DCDC1: variants seen among roughly 807,000 people sequenced by gnomAD.
DCDC1 encodes doublecortin domain-containing protein 1.
In DCDC1, 200 loss-of-function variants were observed where a neutral mutation model predicts 178.3. That is an observed-to-expected ratio of 1.12 (90% confidence interval 1.00 to 1.26). The LOEUF (loss-of-function observed/expected upper bound fraction) is 1.26. Among genes scored for constraint, DCDC1 ranks in the 50% most tolerant of loss-of-function variants. DCDC1 has a pLI of 0.00. For missense variants in DCDC1, 1,983 were observed against 1,749.2 expected (o/e 1.13, Z -2.38); for synonymous variants, 690 against 604.8 (o/e 1.14, Z -2.07).
intron 36 of DCDC1, among the ~76,000 whole-genome samples, chr11:30,892,099 T>A (rs1943836333): frequency 6.6e-6 from 1 of 152,226 alleles, no homozygotes; most frequent in Non-Finnish European, 1.5e-5. Flanking sequence ...ATTTAAGACA[T>A]CATTGCAACA....
intron 21 of DCDC1, among the ~76,000 whole-genome samples, chr11:30,940,565 G>T (rs77579115): frequency 0.04 from 6,096 of 152,216 alleles, 392 homozygotes; most frequent in African/African-American, 0.14. Context: ...TCAGTGATTG[G>T]CTTTCTGTGT....
chr11:31,084,129 A>C lies in DCDC1; in HGVS notation c.2238-6204T>G, dbSNP rs1347965633. Among the ~76,000 whole-genome samples, 6 of 151,852 alleles carry C rather than the reference A, an allele frequency of 4.0e-5. No homozygotes were observed. In the South Asian group the frequency reaches 8.3e-4, roughly 21 times the overall value. On this transcript the variant is annotated intron_variant, in intron 17 of 38. Transcript: ENST00000684477. ...ACACGAGCACTTGCTATATTGAATA[A>C]GAATAAGATTATTAACACCAAATGA... is the stretch of plus-strand genomic sequence containing the variant.
chr11:30,911,486 CT>C (rs2134177059), intron 27 of DCDC1, 66 bp from the exon 28 acceptor site: 4 of 1,255,906 alleles, frequency 3.2e-6, no homozygotes, highest in Non-Finnish European at 4.6e-6. Flanking sequence ...CTCTGTGCCA[CT>C]TAGCACTGTG....
At chr11:31,361,884 T>C (rs1474941655) in intron 1 of DCDC1, among the ~76,000 whole-genome samples, 1 of 152,162 alleles carries the variant, frequency 6.6e-6, no homozygotes, top group East Asian at 1.9e-4. Context: ...ACAACAGCAC[T>C]TGCATCCTGA....
chr11:31,357,597 G>T (rs941051763), intron 1 of DCDC1, among the ~76,000 whole-genome samples: 1 of 152,044 alleles, frequency 6.6e-6, no homozygotes, highest in Admixed American at 6.6e-5. Flanking sequence ...GGGCAATTAC[G>T]CAGGAGAAGG....
intron 1 of DCDC1, among the ~76,000 whole-genome samples, chr11:31,360,270 C>T (rs568143537): frequency 9.2e-5 from 14 of 152,130 alleles, no homozygotes; most frequent in Non-Finnish European, 1.5e-4. Flanking sequence ...GTATGGATAG[C>T]TGTTCTCTGT....
intron 22 of DCDC1, among the ~76,000 whole-genome samples, chr11:30,929,362 G>T (rs193023721): frequency 1.3e-5 from 2 of 152,234 alleles, no homozygotes; most frequent in East Asian, 3.9e-4. Context: ...AAGGCCCAGG[G>T]CTGGAGTAGT....
Position 30,931,872 on chromosome 11 carries a change from T to C in DCDC1, c.2796A>G (p.Pro932=), listed in dbSNP as rs140277263. 11 of 1,613,084 alleles carry C rather than the reference T, an allele frequency of 6.8e-6. No homozygotes were observed. The African/African-American group carries it at 1.3e-4, about 20-fold the overall frequency. ...MKKPICKTTE[P]YAPVRLRVLQ... is the part of the protein sequence containing the mutation. Reference sequence around the variant, plus strand: ...AAACTCTGAGTCGCACAGGGGCATATGGCTCTGTTGTCTTACAGATGGGTT... The same window carrying C: ...AAACTCTGAGTCGCACAGGGGCATACGGCTCTGTTGTCTTACAGATGGGTT... The change falls in exon 22 of 39, where the codon CCA becomes CCG. Residue 932 remains proline (P), a synonymous_variant. Coordinates refer to ENST00000684477, the MANE Select transcript of DCDC1 (RefSeq NM_001387274.1).
At chr11:30,890,126 C>T (rs559155148) in intron 36 of DCDC1, among the ~76,000 whole-genome samples, 1 of 152,336 alleles carries the variant, frequency 6.6e-6, no homozygotes, top group South Asian at 2.1e-4. Flanking sequence ...ACCCAGCTGG[C>T]ACCTTGATCT....
chr11:30,959,344 C>T (rs1228928772), intron 20 of DCDC1, among the ~76,000 whole-genome samples: 1 of 152,026 alleles, frequency 6.6e-6, no homozygotes, highest in Non-Finnish European at 1.5e-5. Flanking sequence ...GTACTGGGCC[C>T]GGTTTACGTG....
At chr11:31,352,896 T>C (rs1483672984) in intron 1 of DCDC1, among the ~76,000 whole-genome samples, 1 of 152,154 alleles carries the variant, frequency 6.6e-6, no homozygotes, top group Non-Finnish European at 1.5e-5. Context: ...CAGATTACAG[T>C]TTTCATTTTG....
intron 11 of DCDC1, among the ~76,000 whole-genome samples, chr11:31,112,101 T>C (rs1959187266): frequency 6.6e-6 from 1 of 152,176 alleles, no homozygotes; most frequent in Admixed American, 6.5e-5. Context: ...AAAGTTTAGA[T>C]GCTTAAGTGA....
intron 20 of DCDC1, among the ~76,000 whole-genome samples, chr11:30,961,184 G>C (rs1241790145): frequency 6.6e-6 from 1 of 151,986 alleles, no homozygotes; most frequent in Non-Finnish European, 1.5e-5. Context: ...CTACAACTAT[G>C]AAAATTTGTG....
At chr11:31,363,901 A>C (rs1332356105) in intron 1 of DCDC1, among the ~76,000 whole-genome samples, 1 of 152,172 alleles carries the variant, frequency 6.6e-6, no homozygotes, top group African/African-American at 2.4e-5. Flanking sequence ...TTGACTTTAC[A>C]TGGTGTGTAT....
chr11:31,267,495 A>T (rs891450906), intron 7 of DCDC1, among the ~76,000 whole-genome samples: 1 of 152,214 alleles, frequency 6.6e-6, no homozygotes, highest in South Asian at 2.1e-4. Flanking sequence ...CCCAGCCAGG[A>T]ATATTCTTGA....
intron 20 of DCDC1, among the ~76,000 whole-genome samples, chr11:31,028,137 A>G (rs1179120752): frequency 6.6e-6 from 1 of 151,950 alleles, no homozygotes; most frequent in Non-Finnish European, 1.5e-5. Context: ...AACATATAAT[A>G]AAGCTATTTT....
At chr11:31,186,764 C>G (rs548985815) in intron 9 of DCDC1, among the ~76,000 whole-genome samples, 1 of 152,220 alleles carries the variant, frequency 6.6e-6, no homozygotes, top group Non-Finnish European at 1.5e-5. Context: ...CAATTTCCAG[C>G]CTTATTACCC....
chr11:30,954,117 G>A (rs1007325392), intron 20 of DCDC1, among the ~76,000 whole-genome samples: 6 of 143,006 alleles, frequency 4.2e-5, no homozygotes, highest in African/African-American at 1.6e-4. Flanking sequence ...CCGGGTTCAC[G>A]CCATTCTCCT....
intron 20 of DCDC1, among the ~76,000 whole-genome samples, chr11:31,012,623 A>G (rs1268043331): frequency 6.6e-6 from 1 of 151,362 alleles, no homozygotes; most frequent in African/African-American, 2.4e-5. Context: ...AAAAAAAAAG[A>G]AAAGAAAAGA....
Sources: allele counts gnomAD v4.1 joint callset (sites outside exome capture counted in the v4.1 genomes callset), GRCh38; gene constraint gnomAD v4.1.1; transcripts MANE v1.5; gene names NCBI Gene and HGNC (gene_info 2026-07-23, HGNC 2026-07-21).